The following CCM2 variants were observed in gnomAD, a reference collection of about 807,000 sequenced individuals.
CCM2 encodes the protein CCM2 scaffold protein.
CCM2 carries 25 observed loss-of-function variants against 44.9 expected under a neutral mutation model. The observed-to-expected ratio is 0.56, with a 90% CI of 0.41 to 0.78. The LOEUF (loss-of-function observed/expected upper bound fraction) is 0.78, where lower values mean the gene tolerates loss of function less well. Among genes scored for constraint, CCM2 ranks in the 30% least tolerant of loss-of-function variants. CCM2 has a pLI of 0.00. For synonymous variants in CCM2, 219 were observed against 241.1 expected (o/e 0.91, Z 0.85); for missense variants, 481 against 580.6 (o/e 0.83, Z 1.76).
chr7:45,072,786 G>C lies in CCM2; in HGVS notation c.803+3G>C. 1 of 1,610,550 alleles carries C rather than the reference G, an allele frequency of 6.2e-7. No individual in the cohort carries two copies. Among genetic ancestry groups the C allele is most frequent in the African/African-American group, 1.3e-5 (1 of 74,980 alleles). ...TACGAGGTGGAAGCCAGCACTTTGT[G>C]AGTGCACATGCCACCAAGCCCTGCG... is the stretch of plus-strand genomic sequence containing the variant. On this transcript the variant is annotated splice_donor_region_variant and intron_variant, in intron 7 of 9. Transcript: ENST00000258781.
chr7:45,030,652 C>T (rs1327615573), intron 1 of CCM2, among the ~76,000 whole-genome samples: 2 of 152,126 alleles, frequency 1.3e-5, no homozygotes, highest in African/African-American at 2.4e-5. Flanking sequence ...TGGCCTCAAG[C>T]GATCCTCTTG....
At chr7:45,069,753 G>A in intron 5 of CCM2, 73 bp from the exon 6 acceptor site, 2 of 1,597,734 alleles carry the variant, frequency 1.3e-6, no homozygotes, top group Non-Finnish European at 1.7e-6. Context: ...GCTGCCCCAG[G>A]TATCCTGGAA....
chr7:45,073,781 GC>G, intron 8 of CCM2: 1 of 589,622 alleles, frequency 1.7e-6, no homozygotes, highest in Non-Finnish European at 3.0e-6. Context: ...AGTTGGGAGT[GC>G]TGTGGCCGTC....
At chr7:45,013,676 T>G (rs1796151619) in intron 1 of CCM2, among the ~76,000 whole-genome samples, 1 of 152,202 alleles carries the variant, frequency 6.6e-6, no homozygotes. Context: ...CTAGGATCCA[T>G]AGATTTTATA....
chr7:45,045,518 G>A (rs1797710828), intron 2 of CCM2, among the ~76,000 whole-genome samples: 1 of 152,216 alleles, frequency 6.6e-6, no homozygotes, highest in South Asian at 2.1e-4. Flanking sequence ...GGGGCTGGGT[G>A]CGGTGGCTCA....
chr7:45,050,474 C>T (rs1020836703), intron 2 of CCM2, among the ~76,000 whole-genome samples: 6 of 152,214 alleles, frequency 3.9e-5, no homozygotes, highest in African/African-American at 1.4e-4. Flanking sequence ...CTCCTGGAAC[C>T]AAGCCCCAGC....
At chr7:45,073,014 T>C (rs986619369) in intron 7 of CCM2, 1 of 638,992 alleles carries the variant, frequency 1.6e-6, no homozygotes, top group East Asian at 2.7e-5. Flanking sequence ...TACCTTCCCA[T>C]GGCCTCCCAA....
At chr7:45,040,456 G>T (rs1268560175) in intron 2 of CCM2, among the ~76,000 whole-genome samples, 1 of 151,398 alleles carries the variant, frequency 6.6e-6, no homozygotes, top group Non-Finnish European at 1.5e-5. Flanking sequence ...ATGAGAAAGA[G>T]AAATGAAATT....
intron 2 of CCM2, among the ~76,000 whole-genome samples, chr7:45,056,009 A>G (rs1798243655): frequency 6.6e-6 from 1 of 152,228 alleles, no homozygotes; most frequent in Non-Finnish European, 1.5e-5. Context: ...AGCATGTGTC[A>G]GCATTTCCAT....
In CCM2 at chr7:45,042,672, A is replaced by G. The variant is rs143485908; in HGVS notation, c.204+4246A>G. Among the ~76,000 whole-genome samples the G allele has an allele frequency of 4.7e-3, 717 of 152,226 alleles. 5 individuals carry two copies. Among genetic ancestry groups the G allele is most frequent in the African/African-American group, 0.016 (683 of 41,544 alleles). On this transcript the variant is annotated intron_variant, in intron 2 of 9. Transcript: ENST00000258781. ...AAAGGATAATGAGAGAACACAAGCA[A>G]CTCCACACACAGTGGGCCAAAAAAT...
chr7:45,026,055 A>G (rs559907400), intron 1 of CCM2, among the ~76,000 whole-genome samples: 8 of 152,184 alleles, frequency 5.3e-5, no homozygotes, highest in African/African-American at 1.7e-4. Flanking sequence ...AGTCATGTCT[A>G]TTTCCCTGGA....
At chr7:45,056,620 T>C (rs1012375579) in intron 2 of CCM2, among the ~76,000 whole-genome samples, 18 of 150,842 alleles carry the variant, frequency 1.2e-4, no homozygotes, top group South Asian at 6.2e-4. Context: ...ATTGGCCATC[T>C]GTGTATCTTT....
At chr7:45,001,903 A>G (rs940649671) in intron 1 of CCM2, among the ~76,000 whole-genome samples, 1 of 152,180 alleles carries the variant, frequency 6.6e-6, no homozygotes, top group Non-Finnish European at 1.5e-5. Flanking sequence ...ACTAGAGGAG[A>G]TAATCAGTTG....
rs371286885 is a variant in CCM2 at position 45,040,031 on chromosome 7, G to C, written c.204+1605G>C. ...GAAAGAGTGAGACTGTATGTCAAAAGAAAACAAAACAAAACAACTATGTTA... is the reference window on the plus strand; with the variant it reads ...GAAAGAGTGAGACTGTATGTCAAAACAAAACAAAACAAAACAACTATGTTA... On this transcript the variant is annotated intron_variant, in intron 2 of 9. Coordinates refer to ENST00000258781, the MANE Select transcript of CCM2 (RefSeq NM_031443.4). 5.3e-5 allele frequency among the ~76,000 whole-genome samples: 8 copies of C among 151,270 alleles called. No individual in the cohort carries two copies. In the East Asian group the frequency reaches 1.6e-3, roughly 30 times the overall value.
intron 2 of CCM2, among the ~76,000 whole-genome samples, chr7:45,045,986 G>A (rs1797737367): frequency 6.6e-6 from 1 of 152,164 alleles, no homozygotes; most frequent in Admixed American, 6.5e-5. Context: ...TCAAAGATCT[G>A]AATAAGTGGA....
At chr7:45,019,767 G>A (rs531608895) in intron 1 of CCM2, among the ~76,000 whole-genome samples, 1 of 151,984 alleles carries the variant, frequency 6.6e-6, no homozygotes. Context: ...TAGAAATGGG[G>A]TCTCACTATG....
At chr7:45,067,231 T>G (rs913950016) in intron 4 of CCM2, among the ~76,000 whole-genome samples, 6 of 150,258 alleles carry the variant, frequency 4.0e-5, no homozygotes, top group African/African-American at 1.5e-4. Context: ...TGGTGCTTGT[T>G]GCCCAGGCTA....
intron 1 of CCM2, among the ~76,000 whole-genome samples, chr7:45,005,000 A>G (rs896303527): frequency 6.6e-6 from 1 of 151,860 alleles, no homozygotes; most frequent in African/African-American, 2.4e-5. Flanking sequence ...CCGTCTCAAA[A>G]AAAAAAAAAA....
At chr7:45,067,165 C>T (rs568915980) in intron 4 of CCM2, among the ~76,000 whole-genome samples, 124 of 150,982 alleles carry the variant, frequency 8.2e-4, no homozygotes, top group Non-Finnish European at 1.3e-3. Context: ...TCCCAAAGTG[C>T]TGGGATTACA....
Sources: gnomAD v4.1 joint callset for allele counts (sites outside exome capture counted in the v4.1 genomes callset) on GRCh38, gnomAD v4.1.1 for gene constraint, MANE v1.5 for transcripts, NCBI Gene and HGNC (gene_info 2026-07-23, HGNC 2026-07-21) for gene names.